CNTN5: variants seen among roughly 807,000 people sequenced by gnomAD.
CNTN5 encodes contactin 5, also known as contactin-5.
Under a neutral mutation model 129.1 loss-of-function variants are expected in CNTN5, and 77 were observed. The observed-to-expected ratio is 0.60, with a 90% CI of 0.50 to 0.72. CNTN5 has a LOEUF of 0.72. CNTN5 is among the 30% of genes least tolerant of loss of function. The probability of loss-of-function intolerance (pLI) is 0.00; values close to 1 mark genes in which losing one functional copy is unlikely to be tolerated. For synonymous variants in CNTN5, 509 were observed against 465.6 expected (o/e 1.09, Z -1.20); for missense variants, 1,478 against 1,328.8 (o/e 1.11, Z -1.75).
At chr11:100,053,885 A>G (rs1320260964) in intron 9 of CNTN5, among the ~76,000 whole-genome samples, 1 of 151,824 alleles carries the variant, frequency 6.6e-6, no homozygotes, top group Non-Finnish European at 1.5e-5. Context: ...ATTAAAAGGA[A>G]TTAACTACCG....
At chr11:99,470,593 TATA>T (rs1172094135) in intron 2 of CNTN5, among the ~76,000 whole-genome samples, 2 of 152,136 alleles carry the variant, frequency 1.3e-5, no homozygotes, top group African/African-American at 4.8e-5. Context: ...TATTACCTGA[TATA>T]ATATGTATTT....
intron 2 of CNTN5, among the ~76,000 whole-genome samples, chr11:99,423,531 A>G (rs1353170264): frequency 2.0e-5 from 3 of 152,230 alleles, no homozygotes; most frequent in African/African-American, 7.2e-5. Flanking sequence ...TAAACTTACT[A>G]ACAAAATGGG....
intron 1 of CNTN5, among the ~76,000 whole-genome samples, chr11:99,282,373 G>A (rs1591465879): frequency 6.6e-6 from 1 of 151,968 alleles, no homozygotes; most frequent in Non-Finnish European, 1.5e-5. Flanking sequence ...GAGTTGAGAC[G>A]TAAAAATTCA....
At chr11:99,134,027 A>T (rs180819686) in intron 1 of CNTN5, among the ~76,000 whole-genome samples, 45 of 152,350 alleles carry the variant, frequency 3.0e-4, no homozygotes, top group African/African-American at 1.0e-3. Context: ...GATAGACTGG[A>T]TAAAGAAAAT....
chr11:99,881,740 G>A (rs1285706926), intron 6 of CNTN5, among the ~76,000 whole-genome samples: 1 of 152,214 alleles, frequency 6.6e-6, no homozygotes, highest in Non-Finnish European at 1.5e-5. Context: ...AGCTGCTAGT[G>A]CTGGGTTTTC....
intron 1 of CNTN5, among the ~76,000 whole-genome samples, chr11:99,223,759 C>T (rs1393125271): frequency 6.6e-6 from 1 of 152,156 alleles, no homozygotes; most frequent in African/African-American, 2.4e-5. Context: ...AATCTACCCT[C>T]TAAAGCTTCC....
At chr11:99,219,550 G>C (rs1215760283) in intron 1 of CNTN5, among the ~76,000 whole-genome samples, 2 of 151,654 alleles carry the variant, frequency 1.3e-5, no homozygotes, top group Non-Finnish European at 2.9e-5. Flanking sequence ...AGCTGGTATT[G>C]GTGTTTATAG....
intron 16 of CNTN5, among the ~76,000 whole-genome samples, chr11:100,241,275 G>C (rs373110381): frequency 6.6e-6 from 1 of 152,076 alleles, no homozygotes; most frequent in African/African-American, 2.4e-5. Flanking sequence ...GATCACCTTC[G>C]ATGGATGGAC....
At chr11:99,790,377 C>G (rs1176776231) in intron 3 of CNTN5, among the ~76,000 whole-genome samples, 2 of 151,834 alleles carry the variant, frequency 1.3e-5, no homozygotes, top group African/African-American at 4.8e-5. Flanking sequence ...TTCTTTGTGT[C>G]CAGATGTACT....
At chr11:99,178,365 CA>C (rs1857884204) in intron 1 of CNTN5, among the ~76,000 whole-genome samples, 1 of 115,090 alleles carries the variant, frequency 8.7e-6, no homozygotes, top group African/African-American at 3.4e-5. Context: ...CACACACACA[CA>C]CAAAATTAGC....
At chr11:99,128,527 G>A (rs1297667341) in intron 1 of CNTN5, among the ~76,000 whole-genome samples, 3 of 152,174 alleles carry the variant, frequency 2.0e-5, no homozygotes, top group Non-Finnish European at 4.4e-5. Context: ...AGCGGCCAAG[G>A]TGTCAAGTTC....
intron 3 of CNTN5, among the ~76,000 whole-genome samples, chr11:99,700,293 A>G (rs1423471508): frequency 1.3e-5 from 2 of 151,430 alleles, no homozygotes; most frequent in Admixed American, 6.6e-5. Flanking sequence ...TCCATCCATG[A>G]TTCTATGATC....
At chr11:99,457,427 G>A (rs1441255462) in intron 2 of CNTN5, among the ~76,000 whole-genome samples, 1 of 151,782 alleles carries the variant, frequency 6.6e-6, no homozygotes, top group Non-Finnish European at 1.5e-5. Flanking sequence ...GATGATCAGA[G>A]CAGTTTTAAA....
At chr11:99,712,063 T>G (rs1244377987) in intron 3 of CNTN5, among the ~76,000 whole-genome samples, 1 of 152,122 alleles carries the variant, frequency 6.6e-6, no homozygotes, top group Non-Finnish European at 1.5e-5. Context: ...CCACACTGTC[T>G]TCCACAATGG....
intron 13 of CNTN5, among the ~76,000 whole-genome samples, chr11:100,116,286 C>T (rs1406465105): frequency 6.6e-6 from 1 of 151,972 alleles, no homozygotes; most frequent in Non-Finnish European, 1.5e-5. Flanking sequence ...TACATTTTAC[C>T]TTGCTGAGGG....
At chr11:99,032,295 C>G (rs1320488991) in intron 1 of CNTN5, among the ~76,000 whole-genome samples, 1 of 151,642 alleles carries the variant, frequency 6.6e-6, no homozygotes, top group Non-Finnish European at 1.5e-5. Context: ...AATGGGATGG[C>G]TGGGTCAAAT....
intron 1 of CNTN5, among the ~76,000 whole-genome samples, chr11:99,032,053 G>A (rs929871534): frequency 2.0e-5 from 3 of 151,760 alleles, no homozygotes; most frequent in Non-Finnish European, 2.9e-5. Context: ...TACTGAGAAT[G>A]ATGACTTCCA....
chr11:99,915,606 A>G (rs72992827), intron 6 of CNTN5, among the ~76,000 whole-genome samples: 2,363 of 152,298 alleles, frequency 0.016, 25 homozygotes, highest in Middle Eastern at 0.031. Context: ...CTAATTTGGC[A>G]TGCTCATGCT....
intron 3 of CNTN5, among the ~76,000 whole-genome samples, chr11:99,745,108 T>A (rs928801989): frequency 2.6e-5 from 4 of 152,198 alleles, no homozygotes; most frequent in African/African-American, 9.6e-5. Flanking sequence ...GCGTTTTTAT[T>A]GGCAGACCTA....
Sources: gnomAD v4.1 joint callset for allele counts (sites outside exome capture counted in the v4.1 genomes callset) on GRCh38, gnomAD v4.1.1 for gene constraint, MANE v1.5 for transcripts, NCBI Gene and HGNC (gene_info 2026-07-23, HGNC 2026-07-21) for gene names.